Variants in SLC16A12 observed in about 807,000 individuals in gnomAD.
SLC16A12 encodes monocarboxylate transporter 12.
Under a neutral mutation model 42.4 loss-of-function variants are expected in SLC16A12, and 17 were observed. The observed-to-expected ratio is 0.40, with a 90% CI of 0.27 to 0.60. The LOEUF is 0.60. Ranked by LOEUF, SLC16A12 falls within the 20% of genes least tolerant of loss-of-function variation. SLC16A12 has a pLI of 0.42. For missense variants in SLC16A12, 544 were observed against 623.0 expected (o/e 0.87, Z 1.35); for synonymous variants, 224 against 229.4 (o/e 0.98, Z 0.21).
rs369669287 is a variant in SLC16A12 at position 89,548,020 on chromosome 10, G to A, written c.-47+7862C>T. On this transcript the variant is annotated intron_variant, in intron 2 of 2. Transcript: ENST00000475682. ...TGCTTGAGAGAGAAGCTGGCAAGGT[G>A]GAGCGTGACATTATAGGTAGGGCTG... is the stretch of plus-strand genomic sequence containing the variant. Among the ~76,000 whole-genome samples, 23 of 151,432 alleles carry A rather than the reference G, an allele frequency of 1.5e-4. No individual in the cohort carries two copies. The South Asian group carries it at 2.3e-3, about 15-fold the overall frequency.
At chr10:89,464,142 G>A (rs1842353144) in intron 2 of SLC16A12, among the ~76,000 whole-genome samples, 1 of 152,182 alleles carries the variant, frequency 6.6e-6, no homozygotes, top group Admixed American at 6.5e-5. Flanking sequence ...AGATGCCAAG[G>A]GCAGCCTCCA....
At chr10:89,452,609 G>T (rs1273713557) in intron 3 of SLC16A12, among the ~76,000 whole-genome samples, 5 of 152,102 alleles carry the variant, frequency 3.3e-5, no homozygotes, top group Non-Finnish European at 7.4e-5. Flanking sequence ...TTTGCACTGG[G>T]CCCTATAATT....
chr10:89,489,571 T>C (rs533011449), intron 2 of SLC16A12, among the ~76,000 whole-genome samples: 12 of 152,220 alleles, frequency 7.9e-5, no homozygotes, highest in Non-Finnish European at 1.3e-4. Context: ...TCAACGTCTG[T>C]ACTCAAGCAA....
At chr10:89,536,343 G>C (rs556697064), upstream of SLC16A12, among the ~76,000 whole-genome samples, 48 of 152,194 alleles carry the variant, frequency 3.2e-4, no homozygotes, top group Non-Finnish European at 6.0e-4. Context: ...TTATCTCTTG[G>C]AGTCAAAAGG....
At chr10:89,547,749 C>A (rs943298232) in intron 2 of SLC16A12, among the ~76,000 whole-genome samples, 6 of 151,860 alleles carry the variant, frequency 4.0e-5, no homozygotes, top group African/African-American at 1.5e-4. Context: ...GTAATCCCAG[C>A]ACTTTGGGAG....
upstream of SLC16A12, among the ~76,000 whole-genome samples, chr10:89,538,629 G>A (rs1410704503): frequency 6.6e-6 from 1 of 152,188 alleles, no homozygotes; most frequent in Non-Finnish European, 1.5e-5. Flanking sequence ...CTAAAAGCAA[G>A]TAATAGAATG....
intron 2 of SLC16A12, among the ~76,000 whole-genome samples, chr10:89,530,582 T>G (rs1843533298): frequency 6.6e-6 from 1 of 152,104 alleles, no homozygotes; most frequent in Non-Finnish European, 1.5e-5. Flanking sequence ...CACGCCCGGC[T>G]AATTTTTTGT....
intron 2 of SLC16A12, among the ~76,000 whole-genome samples, chr10:89,506,716 G>C (rs1262779215): frequency 6.6e-6 from 1 of 152,136 alleles, no homozygotes; most frequent in Non-Finnish European, 1.5e-5. Context: ...AAACTGGACA[G>C]AGAATGAGTT....
intron 2 of SLC16A12, among the ~76,000 whole-genome samples, chr10:89,472,046 G>T (rs79962790): frequency 0.023 from 3,457 of 152,150 alleles, 95 homozygotes; most frequent in African/African-American, 0.045. Context: ...ATATGTGTTA[G>T]AAATATTTTC....
rs1201441720 is a variant in SLC16A12, at chr10:89,485,909, T to A, written c.-46-23285A>T. On this transcript the variant is annotated intron_variant, in intron 2 of 7. Coordinates refer to ENST00000371790, the MANE Select transcript of SLC16A12 (RefSeq NM_213606.4). ...ATATCTGTGACTGTACTAAGCCTAA[T>A]TCATCCTTATAAAAATTCATGCATA... 2.6e-5 allele frequency among the ~76,000 whole-genome samples: 4 copies of A among 152,328 alleles called. No homozygotes were observed. In the East Asian group the frequency reaches 7.7e-4, roughly 29 times the overall value.
rs1843793109 is a variant in SLC16A12 at position 89,554,123 on chromosome 10, G to GGAAAGAAA, written c.-47+1758_-47+1759insTTTCTTTC. Among the ~76,000 whole-genome samples the GGAAAGAAA allele has an allele frequency of 8.2e-4, 115 of 139,642 alleles. 9 individuals are homozygous for GGAAAGAAA. The highest frequency in any genetic ancestry group is 3.1e-3 in the African/African-American group (108 of 35,126). 91.6% of individuals were successfully genotyped at this position (139,642 alleles called of 152,430 possible). ...AAGAAGGAAGGAAGGAAGGAAGGAA[G>GGAAAGAAA]GAAGGAAGGAAGGAAGGAAGGAAAG... On this transcript the variant is annotated intron_variant, in intron 2 of 2. Coordinates refer to the SLC16A12 transcript ENST00000475682.
intron 2 of SLC16A12, among the ~76,000 whole-genome samples, chr10:89,503,654 G>A (rs1843020171): frequency 6.6e-6 from 1 of 152,218 alleles, no homozygotes; most frequent in African/African-American, 2.4e-5. Context: ...GGGGCCAGGT[G>A]AGTCAAGAAG....
intron 2 of SLC16A12, among the ~76,000 whole-genome samples, chr10:89,491,216 A>G (rs1842841468): frequency 3.3e-5 from 5 of 152,184 alleles, no homozygotes; most frequent in African/African-American, 1.2e-4. Flanking sequence ...ATCCTGCCCA[A>G]GAGGGCCTGC....
chr10:89,538,251 T>G (rs1843692992), upstream of SLC16A12, among the ~76,000 whole-genome samples: 1 of 152,228 alleles, frequency 6.6e-6, no homozygotes, highest in Non-Finnish European at 1.5e-5. Flanking sequence ...GAGCAACATT[T>G]CTTCCAAATA....
intron 2 of SLC16A12, among the ~76,000 whole-genome samples, chr10:89,473,160 G>T (rs10887968): frequency 0.033 from 5,036 of 151,130 alleles, 267 homozygotes; most frequent in African/African-American, 0.12. Flanking sequence ...CTGACAAGCT[G>T]ATTCTAAAAT....
At chr10:89,556,186 C>A (rs1287300074) in intron 1 of SLC16A12, among the ~76,000 whole-genome samples, 1 of 152,172 alleles carries the variant, frequency 6.6e-6, no homozygotes, top group Non-Finnish European at 1.5e-5. Flanking sequence ...TGCTTCCTCG[C>A]TTTCAATTCA....
intron 2 of SLC16A12, among the ~76,000 whole-genome samples, chr10:89,502,445 A>G (rs993286247): frequency 1.3e-5 from 2 of 152,018 alleles, no homozygotes; most frequent in Admixed American, 1.3e-4. Flanking sequence ...ACTCCATCTC[A>G]AAAAAACAAA....
rs1013029358 is a variant in SLC16A12 at position 89,468,388 on chromosome 10, A to G, written c.-46-5764T>C. On this transcript the variant is annotated intron_variant, in intron 2 of 7. Transcript: ENST00000371790. ...CAATGGTGAAACTGAAGCTCAGAGA[A>G]ATGAAAGGACTCCCCTGACAACACT... Among the ~76,000 whole-genome samples, 63 of 152,368 alleles carry G rather than the reference A, an allele frequency of 4.1e-4. 1 individual carries two copies. The highest frequency in any genetic ancestry group is 1.5e-3 in the African/African-American group (62 of 41,596).
chr10:89,515,977 C>T (rs1024604652), intron 2 of SLC16A12, among the ~76,000 whole-genome samples: 4 of 152,024 alleles, frequency 2.6e-5, no homozygotes, highest in African/African-American at 4.8e-5. Context: ...CCAAGCAGAA[C>T]GCCAAAAACA....
Sources: gnomAD v4.1 joint callset for allele counts (sites outside exome capture counted in the v4.1 genomes callset) on GRCh38, gnomAD v4.1.1 for gene constraint, MANE v1.5 for transcripts, NCBI Gene and HGNC (gene_info 2026-07-23, HGNC 2026-07-21) for gene names.